The following MLLT3 variants were observed in gnomAD, a reference collection of about 807,000 sequenced individuals.
MLLT3 encodes MLLT3 super elongation complex subunit, also known as protein AF-9.
Under a neutral mutation model 53.2 loss-of-function variants are expected in MLLT3, and 4 were observed. The ratio of observed to expected loss-of-function variants is 0.08; its 90% CI spans 0.04 to 0.17. The LOEUF is 0.17. Ranked by LOEUF, MLLT3 falls within the 10% of genes least tolerant of loss-of-function variation. MLLT3 has a pLI of 1.00. For missense variants in MLLT3, 569 were observed against 684.0 expected, an observed-to-expected ratio of 0.83 and a Z score of 1.87; for synonymous variants, 283 against 230.6, an observed-to-expected ratio of 1.23 and a Z score of -2.06.
At chr9:20,415,516 T>A (rs1196630065) in intron 4 of MLLT3, 20 of 751,558 alleles carry the variant, frequency 2.7e-5, no homozygotes, top group Non-Finnish European at 3.2e-5. Flanking sequence ...ACATCAATAC[T>A]AAAAGAAGAG....
intron 2 of MLLT3, among the ~76,000 whole-genome samples, chr9:20,536,069 A>G (rs1818475613): frequency 6.6e-6 from 1 of 152,158 alleles, no homozygotes; most frequent in Non-Finnish European, 1.5e-5. Flanking sequence ...TAATGTAGTC[A>G]AGCAGGCAAA....
At chr9:20,573,174 TTTTTTTTTGTTTTG>T (rs1819574504) in intron 2 of MLLT3, among the ~76,000 whole-genome samples, 1 of 89,470 alleles carries the variant, frequency 1.1e-5, no homozygotes, top group East Asian at 2.6e-4. Flanking sequence ...TTTTTGTTTG[TTTTTTTTTGTTTTG>T]TTTTTTTTTT....
intron 2 of MLLT3, among the ~76,000 whole-genome samples, chr9:20,604,604 T>C (rs1820517139): frequency 6.6e-6 from 1 of 152,058 alleles, no homozygotes; most frequent in Admixed American, 6.6e-5. Context: ...ACAGCTAGCA[T>C]ATCTGCAAAG....
intron 2 of MLLT3, among the ~76,000 whole-genome samples, chr9:20,558,575 C>T (rs1317338525): frequency 6.6e-6 from 1 of 152,190 alleles, no homozygotes; most frequent in African/African-American, 2.4e-5. Flanking sequence ...ATCAATTCAA[C>T]AGCACCCAAA....
Position 20,549,371 on chromosome 9 carries a change from G to C in MLLT3, c.193+71283C>G, listed in dbSNP as rs571784666. Among the ~76,000 whole-genome samples the C allele has an allele frequency of 3.3e-5, 5 of 152,198 alleles. 1 individual carries two copies. The highest frequency in any genetic ancestry group is 9.6e-5 in the African/African-American group (4 of 41,538). ...GGTAACAATCTCTGTTACCAACCCA[G>C]CATGGTTTATAACAACAACAACGAC... On this transcript the variant is annotated intron_variant, in intron 2 of 10. Transcript: ENST00000380338.
chr9:20,535,900 G>C (rs1818471974), intron 2 of MLLT3, among the ~76,000 whole-genome samples: 1 of 151,900 alleles, frequency 6.6e-6, no homozygotes. Flanking sequence ...ACCCAATGAG[G>C]TTGCCTTTTA....
chr9:20,597,889 C>A (rs1563836959), intron 2 of MLLT3, among the ~76,000 whole-genome samples: 1 of 152,146 alleles, frequency 6.6e-6, no homozygotes, highest in African/African-American at 2.4e-5. Flanking sequence ...CCAAATAGTT[C>A]TTTAAACTTA....
At chr9:20,499,342 G>T (rs935107255) in intron 2 of MLLT3, among the ~76,000 whole-genome samples, 3 of 152,144 alleles carry the variant, frequency 2.0e-5, no homozygotes, top group Non-Finnish European at 4.4e-5. Context: ...GCCCATAACA[G>T]GCATTTAGTG....
intron 2 of MLLT3, among the ~76,000 whole-genome samples, chr9:20,491,670 G>C (rs954000007): frequency 2.0e-5 from 3 of 152,072 alleles, no homozygotes; most frequent in South Asian, 2.1e-4. Context: ...ATCAACAACA[G>C]TTATATTCCA....
chr9:20,525,195 A>G (rs1403548337), intron 2 of MLLT3, among the ~76,000 whole-genome samples: 2 of 151,790 alleles, frequency 1.3e-5, no homozygotes, highest in Non-Finnish European at 2.9e-5. Flanking sequence ...TAAGTTCTAC[A>G]AACAGAAAGA....
chr9:20,621,652 A>G lies in MLLT3; in HGVS notation c.12+593T>C. The G allele has an allele frequency of 1.0e-6, 1 of 970,152 alleles. No homozygotes were observed. Among genetic ancestry groups the G allele is most frequent in the Non-Finnish European group, 1.4e-6 (1 of 693,596 alleles). The allele number at this position is 970,152 out of a possible 1,614,324, so 60.1% of individuals were successfully genotyped here. A position where few individuals can be genotyped will look rare whatever the true frequency, so the allele number is the denominator to read the frequency against. ...TTCAGAAAGGCAGGGCGGCGGGCGG[A>G]CAGCCGCCGAGCCTCGGCTCGCGCT... is the stretch of plus-strand genomic sequence containing the variant. On this transcript the variant is annotated intron_variant, in intron 1 of 10. Coordinates refer to ENST00000380338, the MANE Select transcript of MLLT3 (RefSeq NM_004529.4). This position sits in a 1 kb window ranked among gnomAD's most constrained non-coding sequence, Gnocchi z 7.0.
At chr9:20,386,940 C>T (rs1283342791) in intron 5 of MLLT3, among the ~76,000 whole-genome samples, 1 of 152,126 alleles carries the variant, frequency 6.6e-6, no homozygotes, top group Non-Finnish European at 1.5e-5. Context: ...TTTTCATATC[C>T]TTTTCATACC....
intron 2 of MLLT3, among the ~76,000 whole-genome samples, chr9:20,505,667 A>G (rs1281796382): frequency 2.6e-5 from 4 of 152,186 alleles, no homozygotes; most frequent in Non-Finnish European, 5.9e-5. Flanking sequence ...TCACTTGAAG[A>G]TGTCTGAAAG....
intron 5 of MLLT3, among the ~76,000 whole-genome samples, chr9:20,402,116 G>A (rs1028422837): frequency 2.0e-5 from 3 of 152,198 alleles, no homozygotes; most frequent in Non-Finnish European, 4.4e-5. Flanking sequence ...CACAGAGTGA[G>A]ATCAAGGTAG....
chr9:20,534,209 T>C (rs1760209745), intron 2 of MLLT3, among the ~76,000 whole-genome samples: 1 of 152,224 alleles, frequency 6.6e-6, no homozygotes, highest in African/African-American at 2.4e-5. Flanking sequence ...ATTTTGTAAG[T>C]CATGTCTTCG....
At chr9:20,427,664 A>G (rs1823169965) in intron 4 of MLLT3, among the ~76,000 whole-genome samples, 1 of 151,954 alleles carries the variant, frequency 6.6e-6, no homozygotes. Flanking sequence ...AATGAAGAAC[A>G]CCAAAACAAA....
At chr9:20,594,950 A>G (rs996307257) in intron 2 of MLLT3, among the ~76,000 whole-genome samples, 7 of 152,068 alleles carry the variant, frequency 4.6e-5, no homozygotes, top group Admixed American at 4.6e-4. Context: ...TCAAGAAATA[A>G]CCATAAAAAT....
intron 2 of MLLT3, among the ~76,000 whole-genome samples, chr9:20,461,982 C>T (rs1824120431): frequency 6.6e-6 from 1 of 152,146 alleles, no homozygotes; most frequent in South Asian, 2.1e-4. Flanking sequence ...TCACTTCCTG[C>T]TTCACTTCTA....
intron 5 of MLLT3, among the ~76,000 whole-genome samples, chr9:20,387,392 A>G (rs1223433599): frequency 6.6e-6 from 1 of 152,230 alleles, no homozygotes; most frequent in Non-Finnish European, 1.5e-5. Context: ...ACTTTGTTAC[A>G]TCAGATTTCT....
Sources: allele counts gnomAD v4.1 joint callset (sites outside exome capture counted in the v4.1 genomes callset), GRCh38; gene constraint gnomAD v4.1.1; non-coding constraint Gnocchi (gnomAD v3.1); transcripts MANE v1.5; gene names NCBI Gene and HGNC (gene_info 2026-07-23, HGNC 2026-07-21).